ANXA8: variants seen among roughly 807,000 people sequenced by gnomAD.
ANXA8 encodes VAC-beta.
A neutral mutation model predicts 26.8 loss-of-function variants in ANXA8; 9 were observed. That is an observed-to-expected ratio of 0.34 (90% confidence interval 0.20 to 0.59). The LOEUF (loss-of-function observed/expected upper bound fraction) is 0.59, where lower values mean the gene tolerates loss of function less well. ANXA8 is among the 20% of genes least tolerant of loss of function. The pLI is 0.84. For missense variants in ANXA8, 83 were observed against 238.5 expected (o/e 0.35, Z 4.29); for synonymous variants, 39 against 94.8 (o/e 0.41, Z 3.42).
the ANXA8 span, among the ~76,000 whole-genome samples, chr10:47,675,375 A>T: frequency 6.6e-6 from 1 of 151,316 alleles, no homozygotes; most frequent in Non-Finnish European, 1.5e-5. Flanking sequence ...TTACTTAATC[A>T]TTCTACTCTA....
chr10:47,775,426 A>G, the ANXA8 span, among the ~76,000 whole-genome samples: 1 of 149,614 alleles, frequency 6.7e-6, no homozygotes, highest in Admixed American at 6.7e-5. Context: ...TTAACTTGGC[A>G]CTGTCCTTGT....
At chr10:47,743,353 T>TATATATATATACATATATATAC in the ANXA8 span, among the ~76,000 whole-genome samples, 9 of 39,098 alleles carry the variant, frequency 2.3e-4, no homozygotes, top group African/African-American at 6.3e-4. Flanking sequence ...TATATATATA[T>TATATATATATACATATATATAC]ACACATATAT....
At chr10:47,517,200 T>C in the ANXA8 span, among the ~76,000 whole-genome samples, 1 of 98,084 alleles carries the variant, frequency 1.0e-5, no homozygotes, top group African/African-American at 4.7e-5. Flanking sequence ...CAATAGACAG[T>C]GCTGGCAATT....
the ANXA8 span, among the ~76,000 whole-genome samples, chr10:47,632,628 GA>G: frequency 6.9e-6 from 1 of 144,266 alleles, no homozygotes; most frequent in East Asian, 1.9e-4. Context: ...ATAAGAGATA[GA>G]AAATCACTTT....
At chr10:47,619,048 C>T in the ANXA8 span, among the ~76,000 whole-genome samples, 1 of 113,186 alleles carries the variant, frequency 8.8e-6, no homozygotes, top group East Asian at 2.2e-4. Flanking sequence ...AATACACAAT[C>T]GCTTGATCAT....
At chr10:47,485,003 G>T (rs1319364646), upstream of ANXA8, among the ~76,000 whole-genome samples, 5 of 147,032 alleles carry the variant, frequency 3.4e-5, no homozygotes, top group African/African-American at 1.0e-4. Context: ...CCTGGCCGCC[G>T]CCATCCCCAG....
chr10:47,493,609 C>T, the ANXA8 span, among the ~76,000 whole-genome samples: 3 of 150,786 alleles, frequency 2.0e-5, no homozygotes, highest in Non-Finnish European at 2.9e-5. Flanking sequence ...TCCACCAGTC[C>T]CCGCTTTCAG....
At chr10:47,703,530 T>G in the ANXA8 span, among the ~76,000 whole-genome samples, 1 of 149,000 alleles carries the variant, frequency 6.7e-6, no homozygotes, top group African/African-American at 2.5e-5. Context: ...ATCATGCCAC[T>G]GCACTTCAGC....
chr10:47,619,931 T>G, the ANXA8 span, among the ~76,000 whole-genome samples: 28 of 111,768 alleles, frequency 2.5e-4, no homozygotes, highest in African/African-American at 9.7e-4. Flanking sequence ...ATCAAGGAAA[T>G]TCATAGCATA....
the ANXA8 span, chr10:47,549,429 A>G: frequency 2.7e-6 from 3 of 1,110,292 alleles, no homozygotes; most frequent in Admixed American, 3.4e-5. Flanking sequence ...AGACCCTGAA[A>G]AAACTCTAAC....
At chr10:47,475,209 A>G (rs1327139075) in intron 6 of ANXA8, among the ~76,000 whole-genome samples, 1 of 147,518 alleles carries the variant, frequency 6.8e-6, no homozygotes, top group African/African-American at 2.5e-5. Context: ...GGCTTGGCGG[A>G]TTCAGTGAGC....
At chr10:47,946,133 G>A in the ANXA8 span, among the ~76,000 whole-genome samples, 11 of 149,268 alleles carry the variant, frequency 7.4e-5, no homozygotes, top group East Asian at 4.1e-4. Flanking sequence ...GCCTTTGCAC[G>A]TACTGTGCTC....
the ANXA8 span, among the ~76,000 whole-genome samples, chr10:47,513,164 A>C: frequency 6.7e-6 from 1 of 149,604 alleles, no homozygotes; most frequent in African/African-American, 2.4e-5. Context: ...CCACCCGAGT[A>C]GATGGGATAA....
the ANXA8 span, among the ~76,000 whole-genome samples, chr10:47,957,188 C>G: frequency 6.7e-6 from 1 of 150,122 alleles, no homozygotes; most frequent in Non-Finnish European, 1.5e-5. Context: ...CCGATTCTGA[C>G]ATGAACTTCC....
At chr10:47,617,394 T>C in the ANXA8 span, among the ~76,000 whole-genome samples, 1 of 145,634 alleles carries the variant, frequency 6.9e-6, no homozygotes, top group Non-Finnish European at 1.5e-5. Flanking sequence ...GTCTGTTCCA[T>C]TACCGAACGA....
chr10:47,562,837 A>G, the ANXA8 span, among the ~76,000 whole-genome samples: 2 of 150,796 alleles, frequency 1.3e-5, no homozygotes, highest in African/African-American at 4.9e-5. Context: ...ACAGGTAAGG[A>G]TCTCTTTCAA....
At chr10:47,509,892 T>G in the ANXA8 span, among the ~76,000 whole-genome samples, 43 of 137,302 alleles carry the variant, frequency 3.1e-4, 8 homozygotes, top group Non-Finnish European at 4.9e-4. Context: ...AAACATTCAA[T>G]AAAGGGAACC....
At chr10:47,484,221 G>C (rs1418766658), upstream of ANXA8, 23 of 718,872 alleles carry the variant, frequency 3.2e-5, no homozygotes, top group East Asian at 2.2e-4. Flanking sequence ...GGCTGTGGCT[G>C]TTACGCATAC....
At chr10:47,949,587 C>T in the ANXA8 span, among the ~76,000 whole-genome samples, 1 of 150,672 alleles carries the variant, frequency 6.6e-6, no homozygotes, top group Non-Finnish European at 1.5e-5. Flanking sequence ...TGGCTTATAA[C>T]ATATTAAAGC....
Sources: allele counts gnomAD v4.1 joint callset (sites outside exome capture counted in the v4.1 genomes callset), GRCh38; gene constraint gnomAD v4.1.1; transcripts MANE v1.5; gene names NCBI Gene and HGNC (gene_info 2026-07-23, HGNC 2026-07-21).